The following LRFN2 variants were observed in gnomAD, a reference collection of about 807,000 sequenced individuals.
LRFN2 encodes leucine rich repeat and fibronectin type III domain containing 2.
In LRFN2, 18 loss-of-function variants were observed where a neutral mutation model predicts 37.3. The ratio of observed to expected loss-of-function variants is 0.48; its 90% CI spans 0.33 to 0.72. The LOEUF (loss-of-function observed/expected upper bound fraction) is 0.72, where lower values mean the gene tolerates loss of function less well. Among genes scored for constraint, LRFN2 ranks in the 30% least tolerant of loss-of-function variants. LRFN2 has a pLI of 0.02. For missense variants in LRFN2, 1,006 were observed against 1,060.7 expected (o/e 0.95, Z 0.72); for synonymous variants, 556 against 466.6 (o/e 1.19, Z -2.47).
intron 2 of LRFN2, among the ~76,000 whole-genome samples, chr6:40,430,973 A>T (rs1384481992): frequency 3.3e-5 from 5 of 152,116 alleles, no homozygotes; most frequent in African/African-American, 1.2e-4. Context: ...CCCAGAGAAA[A>T]ATAGAACTTA....
intron 1 of LRFN2, among the ~76,000 whole-genome samples, chr6:40,535,714 G>A (rs537021436): frequency 6.6e-6 from 1 of 152,266 alleles, no homozygotes; most frequent in Middle Eastern, 3.4e-3. Context: ...TGCAGGTGGG[G>A]AGGAAGGAGA....
intron 1 of LRFN2, among the ~76,000 whole-genome samples, chr6:40,515,330 C>A (rs1416615068): frequency 6.6e-6 from 1 of 152,164 alleles, no homozygotes; most frequent in Admixed American, 6.5e-5. Flanking sequence ...TGACCTGGTT[C>A]CTGAAAACAG....
intron 2 of LRFN2, among the ~76,000 whole-genome samples, chr6:40,413,022 G>A (rs1763007675): frequency 1.3e-5 from 2 of 152,066 alleles, no homozygotes; most frequent in Admixed American, 1.3e-4. Context: ...GCACTGCCGT[G>A]TTCCAGAGAG....
At chr6:40,394,311 A>C (rs568675081) in intron 2 of LRFN2, among the ~76,000 whole-genome samples, 1 of 152,092 alleles carries the variant, frequency 6.6e-6, no homozygotes, top group South Asian at 2.1e-4. Context: ...AACACTCCCA[A>C]AGAAATACCC....
intron 1 of LRFN2, among the ~76,000 whole-genome samples, chr6:40,464,322 C>G (rs1764411288): frequency 6.6e-6 from 1 of 152,148 alleles, no homozygotes; most frequent in African/African-American, 2.4e-5. Flanking sequence ...CCTTAAAGTT[C>G]ATGTGTTGGA....
At chr6:40,434,670 G>T (rs934010642) in intron 1 of LRFN2, among the ~76,000 whole-genome samples, 2 of 151,754 alleles carry the variant, frequency 1.3e-5, no homozygotes, top group African/African-American at 4.8e-5. Context: ...TAGAGACAGG[G>T]TTTCACCATG....
chr6:40,392,175 G>A lies in LRFN2; in HGVS notation c.2138C>T (p.Pro713Leu), dbSNP rs1213509135. Residue 713 changes from proline to leucine, a missense_variant, in exon 3 of 3, where the codon CCG becomes CTG. Pro to Leu is a moderately conservative substitution (Grantham distance 98). Coordinates refer to ENST00000338305, the MANE Select transcript of LRFN2 (RefSeq NM_020737.3). This position sits in a 1 kb window ranked among gnomAD's most constrained non-coding sequence, Gnocchi z 4.7. Reference protein sequence around the residue: ...AARARSLLPLPLEGKAKRSHS... With the variant: ...AARARSLLPLLLEGKAKRSHS... ...GCTGCGTTTGGCCTTGCCCTCCAAC[G>A]GCAAGGGGAGCAGGCTCCTGGCCCG... The A allele has an allele frequency of 1.2e-5, 19 of 1,597,068 alleles. No individual in the cohort carries two copies. Among genetic ancestry groups the A allele is most frequent in the East Asian group, 2.3e-5 (1 of 44,404 alleles).
intron 1 of LRFN2, among the ~76,000 whole-genome samples, chr6:40,460,004 G>A (rs945351349): frequency 2.0e-5 from 3 of 152,148 alleles, no homozygotes; most frequent in African/African-American, 7.2e-5. Context: ...ACTGTACAAC[G>A]CTGCCCTCAT....
At chr6:40,501,109 C>A (rs1371395400) in intron 1 of LRFN2, among the ~76,000 whole-genome samples, 1 of 151,408 alleles carries the variant, frequency 6.6e-6, no homozygotes, top group Non-Finnish European at 1.5e-5. Context: ...GCAAAAATTG[C>A]CCTCTCTTCA....
At chr6:40,554,367 T>C (rs1421459585) in intron 1 of LRFN2, among the ~76,000 whole-genome samples, 1 of 152,126 alleles carries the variant, frequency 6.6e-6, no homozygotes, top group African/African-American at 2.4e-5. Context: ...CTGCCTTGGT[T>C]CCACTCAGGA....
At chr6:40,485,972 C>G (rs954322680) in intron 1 of LRFN2, among the ~76,000 whole-genome samples, 1 of 152,222 alleles carries the variant, frequency 6.6e-6, no homozygotes, top group African/African-American at 2.4e-5. Context: ...GCTCAGCCCC[C>G]CTGGGGAACT....
intron 1 of LRFN2, among the ~76,000 whole-genome samples, chr6:40,567,942 C>T (rs1232863910): frequency 1.3e-5 from 2 of 152,208 alleles, no homozygotes; most frequent in African/African-American, 4.8e-5. Flanking sequence ...TGCCCCTAAA[C>T]AGCCTGCTCA....
chr6:40,586,219 C>T (rs1198525076), intron 1 of LRFN2, among the ~76,000 whole-genome samples: 1 of 152,218 alleles, frequency 6.6e-6, no homozygotes, highest in Non-Finnish European at 1.5e-5. Flanking sequence ...TGCTCTCCCT[C>T]CTCCCTGCCC....
chr6:40,483,918 C>T (rs957069868), intron 1 of LRFN2, among the ~76,000 whole-genome samples: 4 of 152,202 alleles, frequency 2.6e-5, no homozygotes, highest in African/African-American at 7.2e-5. Context: ...CATCATCCTC[C>T]CTCTTGAGCC....
intron 1 of LRFN2, among the ~76,000 whole-genome samples, chr6:40,532,859 A>T (rs1766372535): frequency 6.6e-6 from 1 of 152,230 alleles, no homozygotes; most frequent in Admixed American, 6.5e-5. Flanking sequence ...TACTGAACAC[A>T]ATACAATGAT....
chr6:40,471,263 A>C (rs986358076), intron 1 of LRFN2, among the ~76,000 whole-genome samples: 5 of 152,298 alleles, frequency 3.3e-5, no homozygotes, highest in East Asian at 1.9e-4. Context: ...TTTAGGGCTC[A>C]ACTTCCAAAT....
intron 1 of LRFN2, among the ~76,000 whole-genome samples, chr6:40,531,030 A>G (rs944877099): frequency 6.6e-6 from 1 of 152,210 alleles, no homozygotes; most frequent in African/African-American, 2.4e-5. Context: ...CATGCATATT[A>G]TAAGCTCAAT....
At chr6:40,414,215 G>T (rs535039804) in intron 2 of LRFN2, among the ~76,000 whole-genome samples, 2 of 152,158 alleles carry the variant, frequency 1.3e-5, no homozygotes, top group Non-Finnish European at 2.9e-5. Flanking sequence ...CTCCCAGGGG[G>T]CTATGAAGGT....
In LRFN2 at chr6:40,535,465, T is replaced by C. The variant is rs374584044; in HGVS notation, c.-19+51476A>G. Among the ~76,000 whole-genome samples the C allele has an allele frequency of 9.2e-5, 14 of 152,330 alleles. No individual in the cohort carries two copies. The East Asian group carries it at 2.7e-3, about 29-fold the overall frequency. On this transcript the variant is annotated intron_variant, in intron 1 of 2. Transcript: ENST00000338305. ...GGTATGGACTGTCCCTGCCATTGCC[T>C]TGGTGTTCCTTGGGGGTGGTTGGAA...
Sources: gnomAD v4.1 joint callset for allele counts (sites outside exome capture counted in the v4.1 genomes callset) on GRCh38, gnomAD v4.1.1 for gene constraint, Gnocchi (gnomAD v3.1) non-coding constraint, MANE v1.5 for transcripts, NCBI Gene and HGNC (gene_info 2026-07-23, HGNC 2026-07-21) for gene names.